GALK2: variants seen among roughly 807,000 people sequenced by gnomAD.
GALK2 encodes the protein N-acetylgalactosamine kinase.
GALK2 carries 36 observed loss-of-function variants against 52.4 expected under a neutral mutation model. The ratio of observed to expected loss-of-function variants is 0.69; its 90% confidence interval spans 0.53 to 0.91. GALK2 has a LOEUF of 0.91. Ranked by LOEUF, GALK2 falls within the 40% of genes least tolerant of loss-of-function variation. The pLI, the probability that GALK2 is intolerant of heterozygous loss-of-function variation, is 0.00. For missense variants in GALK2, 579 were observed against 559.1 expected (o/e 1.04, Z -0.36); for synonymous variants, 176 against 199.1 (o/e 0.88, Z 0.98).
At chr15:49,174,745 G>A (rs1402897331) in intron 1 of GALK2, among the ~76,000 whole-genome samples, 3 of 151,982 alleles carry the variant, frequency 2.0e-5, no homozygotes, top group African/African-American at 4.8e-5. Context: ...TATAAATATA[G>A]TTTCTAGTTT....
intron 5 of GALK2, among the ~76,000 whole-genome samples, chr15:49,279,420 A>T (rs2032367809): frequency 6.6e-6 from 1 of 152,180 alleles, no homozygotes; most frequent in African/African-American, 2.4e-5. Context: ...TGAAAAATAG[A>T]TTACATCATC....
chr15:49,205,234 A>G (rs1343877807), intron 2 of GALK2, among the ~76,000 whole-genome samples: 1 of 152,170 alleles, frequency 6.6e-6, no homozygotes, highest in Non-Finnish European at 1.5e-5. Context: ...TTTTCCTCTG[A>G]GTAGATACCC....
intron 5 of GALK2, among the ~76,000 whole-genome samples, chr15:49,265,525 G>A (rs977821898): frequency 2.6e-5 from 4 of 152,234 alleles, no homozygotes; most frequent in African/African-American, 9.6e-5. Flanking sequence ...TGCGCTTCCC[G>A]AGTGAGGCAA....
chr15:49,253,404 T>C (rs1329201510), intron 5 of GALK2, among the ~76,000 whole-genome samples: 2 of 144,538 alleles, frequency 1.4e-5, no homozygotes, highest in East Asian at 3.8e-4. Context: ...CTGATTTGCA[T>C]TGTAAGCAGG....
At chr15:49,238,009 G>T (rs1045164889) in intron 4 of GALK2, among the ~76,000 whole-genome samples, 1 of 152,084 alleles carries the variant, frequency 6.6e-6, no homozygotes, top group African/African-American at 2.4e-5. Context: ...TCTTATTGTG[G>T]TGCGAGAATT....
At chr15:49,296,720 C>A (rs1419661797) in intron 8 of GALK2, among the ~76,000 whole-genome samples, 1 of 152,054 alleles carries the variant, frequency 6.6e-6, no homozygotes, top group African/African-American at 2.4e-5. Context: ...CTGCCACAGC[C>A]TCCCGAGTAG....
intron 8 of GALK2, among the ~76,000 whole-genome samples, chr15:49,306,546 C>A (rs928383239): frequency 1.3e-5 from 2 of 152,096 alleles, no homozygotes; most frequent in African/African-American, 4.8e-5. Flanking sequence ...CTCTCTTTCA[C>A]CCCTTTTTAT....
At chr15:49,264,477 T>A (rs1044930763) in intron 5 of GALK2, among the ~76,000 whole-genome samples, 1 of 152,302 alleles carries the variant, frequency 6.6e-6, no homozygotes, top group South Asian at 2.1e-4. Flanking sequence ...TCGTCTAAAT[T>A]TTTTTCAAAG....
chr15:49,316,989 C>A (rs2036474390), intron 8 of GALK2, among the ~76,000 whole-genome samples: 1 of 152,130 alleles, frequency 6.6e-6, no homozygotes, highest in Admixed American at 6.5e-5. Flanking sequence ...TGGAAAAGGG[C>A]AGAGAGTAGG....
intron 5 of GALK2, among the ~76,000 whole-genome samples, chr15:49,243,968 A>G (rs1358861789): frequency 2.0e-5 from 3 of 152,030 alleles, no homozygotes; most frequent in Non-Finnish European, 2.9e-5. Flanking sequence ...AAAAAAGAGA[A>G]CAGACTGGAA....
chr15:49,282,031 C>T lies in GALK2; in HGVS notation c.549C>T (p.Gly183=), dbSNP rs780791959. The T allele has an allele frequency of 5.0e-6, 8 of 1,613,590 alleles. No homozygotes were observed. The highest frequency in any genetic ancestry group is 6.8e-6 in the Non-Finnish European group (8 of 1,179,746). ...EICAKSERYI[G]TEGGGMDQSI... is the part of the protein sequence containing the mutation. Reference sequence around the variant, plus strand: ...GTGCCAAGAGTGAGCGTTACATTGGCACTGAAGGAGGAGGCATGGACCAGT... The same window carrying T: ...GTGCCAAGAGTGAGCGTTACATTGGTACTGAAGGAGGAGGCATGGACCAGT... The change falls in exon 6 of 10, where the codon GGC becomes GGT. Residue 183 remains glycine, a synonymous_variant. Transcript: ENST00000560031.
chr15:49,295,039 G>A (rs936337230), intron 8 of GALK2, among the ~76,000 whole-genome samples: 1 of 152,156 alleles, frequency 6.6e-6, no homozygotes, highest in Non-Finnish European at 1.5e-5. Flanking sequence ...ACTCTATACT[G>A]AATGAGAAGA....
chr15:49,217,163 A>G, intron 2 of GALK2, 27 bp from the exon 3 acceptor site: 1 of 1,593,130 alleles, frequency 6.3e-7, no homozygotes, highest in Non-Finnish European at 8.6e-7. Context: ...ATTAGCAATG[A>G]TTAAAAAAGC....
chr15:49,192,985 TTC>T (rs897756678), intron 1 of GALK2, among the ~76,000 whole-genome samples: 10 of 144,774 alleles, frequency 6.9e-5, no homozygotes, highest in African/African-American at 2.6e-4. Context: ...GTTATGAATT[TTC>T]TGTTTATACC....
intron 3 of GALK2, among the ~76,000 whole-genome samples, chr15:49,219,703 C>G (rs1276777624): frequency 6.6e-6 from 1 of 152,080 alleles, no homozygotes; most frequent in Non-Finnish European, 1.5e-5. Flanking sequence ...CCCAGCTACT[C>G]AGGAGGCTGA....
At chr15:49,188,372 T>A (rs1289177168) in intron 1 of GALK2, among the ~76,000 whole-genome samples, 1 of 152,186 alleles carries the variant, frequency 6.6e-6, no homozygotes, top group Admixed American at 6.5e-5. Context: ...CACTGGCTGA[T>A]TTCTGCACTG....
At chr15:49,251,537 C>G (rs949033129) in intron 5 of GALK2, among the ~76,000 whole-genome samples, 1 of 152,118 alleles carries the variant, frequency 6.6e-6, no homozygotes, top group Non-Finnish European at 1.5e-5. Flanking sequence ...GATCTACCCT[C>G]TTAACAAAAT....
chr15:49,184,479 G>C (rs1181456192), intron 1 of GALK2, among the ~76,000 whole-genome samples: 2 of 152,132 alleles, frequency 1.3e-5, no homozygotes, highest in African/African-American at 4.8e-5. Context: ...TACGTTCAAT[G>C]TTATTGTTGA....
At chr15:49,176,336 A>AT (rs1312224088) in intron 1 of GALK2, among the ~76,000 whole-genome samples, 2 of 152,134 alleles carry the variant, frequency 1.3e-5, no homozygotes, top group Admixed American at 6.6e-5. Flanking sequence ...GAACCACCCC[A>AT]TTTTTTTCCT....
Sources: gnomAD v4.1 joint callset for allele counts (sites outside exome capture counted in the v4.1 genomes callset) on GRCh38, gnomAD v4.1.1 for gene constraint, MANE v1.5 for transcripts, NCBI Gene and HGNC (gene_info 2026-07-23, HGNC 2026-07-21) for gene names.